GIN1: variants seen among roughly 807,000 people sequenced by gnomAD.
GIN1 encodes gypsy retrotransposon integrase 1, also known as gypsy retrotransposon integrase-like protein 1.
In GIN1, 41 loss-of-function variants were observed where a neutral mutation model predicts 51.4. That is an observed-to-expected ratio of 0.80 (90% confidence interval 0.62 to 1.04). The LOEUF (loss-of-function observed/expected upper bound fraction) is 1.04. GIN1 is among the 50% of genes least tolerant of loss of function. The probability of loss-of-function intolerance (pLI) is 0.00; values close to 1 mark genes in which losing one functional copy is unlikely to be tolerated. For synonymous variants in GIN1, 222 were observed against 206.5 expected (o/e 1.07, Z -0.64); for missense variants, 610 against 612.4 (o/e 1.00, Z 0.04).
At chr5:103,106,215 A>G (rs577454950) in intron 3 of GIN1, among the ~76,000 whole-genome samples, 1 of 152,262 alleles carries the variant, frequency 6.6e-6, no homozygotes, top group South Asian at 2.1e-4. Flanking sequence ...TAAAGTTACA[A>G]AACTCAGACT....
At chr5:103,099,819 C>T (rs1554195579) in intron 4 of GIN1, among the ~76,000 whole-genome samples, 1 of 152,178 alleles carries the variant, frequency 6.6e-6, no homozygotes, top group Non-Finnish European at 1.5e-5. Context: ...AACAATTTAG[C>T]AAATACTCTA....
chr5:103,090,914 C>T (rs904291613), intron 7 of GIN1, among the ~76,000 whole-genome samples: 1 of 152,026 alleles, frequency 6.6e-6, no homozygotes, highest in Non-Finnish European at 1.5e-5. Context: ...CACACACACA[C>T]ACACACACAC....
chr5:103,118,889 TAAAG>T (rs1398931765), intron 1 of GIN1, among the ~76,000 whole-genome samples: 3 of 151,214 alleles, frequency 2.0e-5, no homozygotes, highest in Non-Finnish European at 3.0e-5. Flanking sequence ...TTCTACTACA[TAAAG>T]AAAGACTGTC....
At chr5:103,100,112 ATT>A (rs782290428) in intron 4 of GIN1, among the ~76,000 whole-genome samples, 1 of 144,890 alleles carries the variant, frequency 6.9e-6, no homozygotes, top group Non-Finnish European at 1.5e-5. Context: ...TTTATTTTTT[ATT>A]TTTTTTTTTT....
chr5:103,105,660 G>A lies in GIN1; in HGVS notation c.334-814C>T, dbSNP rs148164924. Among the ~76,000 whole-genome samples, 85 of 152,196 alleles carry A rather than the reference G, an allele frequency of 5.6e-4. No individual in the cohort carries two copies. In the East Asian group the frequency reaches 0.012, roughly 21 times the overall value. ...AAGATCAACTGATCAATTTATGGAT[G>A]GGTGCCATTTCTCAATGTATCTCTG... On this transcript the variant is annotated intron_variant, in intron 3 of 7. Coordinates refer to ENST00000399004, the MANE Select transcript of GIN1 (RefSeq NM_017676.2).
At chr5:103,119,167 A>G (rs1554197957) in intron 1 of GIN1, among the ~76,000 whole-genome samples, 1 of 152,250 alleles carries the variant, frequency 6.6e-6, no homozygotes, top group African/African-American at 2.4e-5. Context: ...TGTCAAGATT[A>G]GGACTTAACT....
chr5:103,101,852 AT>A (rs781894167), intron 4 of GIN1, among the ~76,000 whole-genome samples: 29 of 152,358 alleles, frequency 1.9e-4, no homozygotes, highest in Non-Finnish European at 2.8e-4. Flanking sequence ...GATTTAAAAA[AT>A]ATAAATAGAA....
At chr5:103,114,420 AAAG>A (rs540799155) in intron 1 of GIN1, among the ~76,000 whole-genome samples, 1 of 152,256 alleles carries the variant, frequency 6.6e-6, no homozygotes, top group African/African-American at 2.4e-5. Flanking sequence ...GAGTAAACAC[AAAG>A]AAGAATCTGG....
Position 103,104,463 on chromosome 5 carries a change from T to C in GIN1, c.639+78A>G. ...TGAACTTATTAAGCACTCTGTAATA[T>C]AATGCAGAGGGCACTGGTTCTGGAC... is the stretch of plus-strand genomic sequence containing the variant. On this transcript the variant is annotated intron_variant, in intron 4 of 7. Transcript: ENST00000399004. The C allele has an allele frequency of 4.4e-6, 3 of 681,628 alleles. No homozygotes were observed. In the Admixed American group the frequency reaches 8.3e-5, roughly 19 times the overall value. The allele number at this position is 681,628 out of a possible 1,614,324, so 42.2% of individuals were successfully genotyped here.
At chr5:103,092,145 T>C (rs1441469512) in intron 7 of GIN1, among the ~76,000 whole-genome samples, 3 of 152,012 alleles carry the variant, frequency 2.0e-5, no homozygotes, top group Non-Finnish European at 2.9e-5. Context: ...GCCCGCTAAG[T>C]AGCTAAAACT....
In GIN1 at chr5:103,097,537, T is replaced by C. The variant is rs370710680; in HGVS notation, c.832-47A>G. ...TCAATTTTGTAATAAAACATTTATC[T>C]GGCCAAGAAATAGTCATAACTCAGA... On this transcript the variant is annotated intron_variant, in intron 5 of 7. Transcript: ENST00000399004. 8.4e-5 allele frequency: 126 copies of C among 1,492,234 alleles called. No individual in the cohort carries two copies. In the African/African-American group the frequency reaches 1.7e-3, roughly 20 times the overall value. 92.4% of individuals were successfully genotyped at this position (1,492,234 alleles called of 1,614,324 possible). A position where few individuals can be genotyped will look rare whatever the true frequency, so the allele number is the denominator to read the frequency against.
intron 7 of GIN1, among the ~76,000 whole-genome samples, chr5:103,090,759 T>C (rs1257353811): frequency 6.6e-6 from 1 of 152,132 alleles, no homozygotes; most frequent in East Asian, 1.9e-4. Flanking sequence ...TCTTAGAAAT[T>C]TTCATTTTAA....
Position 103,097,687 on chromosome 5 carries a change from G to T in GIN1, c.734C>A (p.Thr245Lys). 1 of 1,601,114 alleles carries T rather than the reference G, an allele frequency of 6.2e-7. No homozygotes were observed. The highest frequency in any genetic ancestry group is 1.1e-5 in the South Asian group (1 of 90,834). ...GTGTTTGGAGAGAAATGCTTTGATT[G>T]TGTTAGGTGTACTTTCCGTTGGGTT... ...TVNPTESTPN[T>K]IKAFLSKHCA... Residue 245 changes from threonine (T) to lysine (K), a missense_variant, in exon 5 of 8, where the codon ACA becomes AAA. Coordinates refer to ENST00000399004, the MANE Select transcript of GIN1 (RefSeq NM_017676.2).
Position 103,097,775 on chromosome 5 carries a change from T to A in GIN1, c.646A>T (p.Ile216Phe). The change falls in exon 5 of 8, where the codon ATT becomes TTT. Residue 216 changes from isoleucine to phenylalanine, a missense_variant. Ile to Phe is a conservative substitution (Grantham distance 21). Coordinates refer to ENST00000399004, the MANE Select transcript of GIN1 (RefSeq NM_017676.2). ...QRDEFIQQINIELYRLFGIKQ... is the reference protein window; with the variant it reads ...QRDEFIQQINFELYRLFGIKQ... ...ATGCCAAACAATCTGTACAGTTCAA[T>A]ATTGATCTGAAAAATATATAAAACA... 7.0e-7 allele frequency: 1 copy of A among 1,421,462 alleles called. No individual in the cohort carries two copies. The highest frequency in any genetic ancestry group is 9.8e-7 in the Non-Finnish European group (1 of 1,024,730). 88.1% of individuals were successfully genotyped at this position (1,421,462 alleles called of 1,614,324 possible). A position where few individuals can be genotyped will look rare whatever the true frequency, so the allele number is the denominator to read the frequency against.
At chr5:103,098,951 ACC>A in intron 4 of GIN1, among the ~76,000 whole-genome samples, 1 of 152,194 alleles carries the variant, frequency 6.6e-6, no homozygotes, top group East Asian at 1.9e-4. Flanking sequence ...TTAACAGTAA[ACC>A]CATTAAATAT....
intron 2 of GIN1, among the ~76,000 whole-genome samples, chr5:103,108,278 C>T (rs139394280): frequency 8.3e-4 from 126 of 152,114 alleles, no homozygotes; most frequent in African/African-American, 3.0e-3. Context: ...GGAAAGTGCA[C>T]CATTAGAGAC....
rs1365756153 is a variant in GIN1, at chr5:103,090,488, T to G, written c.1295-2316A>C. 3.3e-5 allele frequency among the ~76,000 whole-genome samples: 5 copies of G among 152,306 alleles called. No homozygotes were observed. In the East Asian group the frequency reaches 9.6e-4, roughly 29 times the overall value. On this transcript the variant is annotated intron_variant, in intron 7 of 7. Coordinates refer to ENST00000399004, the MANE Select transcript of GIN1 (RefSeq NM_017676.2). ...TATAAGAGAACATTAAAAGGTTAGATAGGGTAAACATGTTGCTGATGAAAT... is the reference window on the plus strand; with the variant it reads ...TATAAGAGAACATTAAAAGGTTAGAGAGGGTAAACATGTTGCTGATGAAAT...
rs202135163 is a variant in GIN1 at position 103,088,078 on chromosome 5, C to T, written c.1389G>A (p.Leu463=). 6.6e-5 allele frequency: 107 copies of T among 1,610,594 alleles called. No individual in the cohort carries two copies. The highest frequency in any genetic ancestry group is 6.9e-5 in the Non-Finnish European group (81 of 1,177,148). ...IPIGAYQANI[L]VEDATIGIVD... ...CTATACCAATAGTTGCATCTTCCAC[C>T]AGAATATTTGCTTGATATGCTCCAA... The change falls in exon 8 of 8, where the codon CTG becomes CTA. Residue 463 remains leucine (L), a synonymous_variant. Transcript: ENST00000399004.
chr5:103,108,524 G>C (rs781933702), intron 2 of GIN1, 45 bp downstream of exon 2: 1 of 1,332,462 alleles, frequency 7.5e-7, no homozygotes, highest in South Asian at 1.3e-5. Context: ...AGAATGTGGG[G>C]AAGAATCTAC....
Sources: gnomAD v4.1 joint callset for allele counts (sites outside exome capture counted in the v4.1 genomes callset) on GRCh38, gnomAD v4.1.1 for gene constraint, MANE v1.5 for transcripts, NCBI Gene and HGNC (gene_info 2026-07-23, HGNC 2026-07-21) for gene names.